The following OPHN1 variants were observed in gnomAD, a reference collection of about 807,000 sequenced individuals.
OPHN1 encodes oligophrenin-1.
In OPHN1, 11 loss-of-function variants were observed where a neutral mutation model predicts 60.7. The ratio of observed to expected loss-of-function variants is 0.18; its 90% CI spans 0.11 to 0.30. The LOEUF is 0.30. Ranked by LOEUF, OPHN1 falls within the 10% of genes least tolerant of loss-of-function variation. The pLI, the probability that OPHN1 is intolerant of heterozygous loss-of-function variation, is 1.00. For synonymous variants in OPHN1, 226 were observed against 222.6 expected, an observed-to-expected ratio of 1.02 and a Z score of -0.14; for missense variants, 449 against 611.0, an observed-to-expected ratio of 0.73 and a Z score of 2.80.
chrX:68,088,744 C>A (rs1196974429), intron 19 of OPHN1, among the ~76,000 whole-genome samples: 1 of 110,055 alleles, frequency 9.1e-6, no homozygotes, highest in Non-Finnish European at 1.9e-5. Flanking sequence ...TGACTCCTCC[C>A]AAAAACTCTA....
At chrX:68,201,528 CA>C (rs2077535071) in intron 11 of OPHN1, 90 bp downstream of exon 11, 2 of 710,679 alleles carry the variant, frequency 2.8e-6, no homozygotes, top group Admixed American at 4.5e-5. Context: ...TCATTGTCAT[CA>C]ACGTGGGATG....
At chrX:68,125,179 T>C (rs1602173131) in intron 15 of OPHN1, among the ~76,000 whole-genome samples, 2 of 111,429 alleles carry the variant, frequency 1.8e-5, no homozygotes, top group Non-Finnish European at 3.8e-5. Context: ...CTAAAACGTA[T>C]GGGATACAGT....
chrX:68,380,629 G>A (rs1345741758), intron 2 of OPHN1, among the ~76,000 whole-genome samples: 1 of 111,086 alleles, frequency 9.0e-6, no homozygotes, highest in Non-Finnish European at 1.9e-5. Flanking sequence ...GGTATGTTGT[G>A]TCTTTGTTCT....
intron 2 of OPHN1, among the ~76,000 whole-genome samples, chrX:68,360,447 A>G (rs1016497087): frequency 9.0e-6 from 1 of 110,579 alleles, no homozygotes; most frequent in South Asian, 3.9e-4. Context: ...TCCCACCTCA[A>G]CCTCACAAAG....
rs113103699 is a variant in OPHN1, at chrX:68,398,960, A to AGTGTGTGT, written c.154+33899_154+33906dup. 8.2e-3 allele frequency among the ~76,000 whole-genome samples: 785 copies of AGTGTGTGT among 95,217 alleles called. 3 individuals are homozygous for AGTGTGTGT. Among genetic ancestry groups the AGTGTGTGT allele is most frequent in the Middle Eastern group, 0.011 (2 of 182 alleles). The allele number at this position is 95,217 out of a possible 115,157, so 82.7% of individuals were successfully genotyped here. A position where few individuals can be genotyped will look rare whatever the true frequency, so the allele number is the denominator to read the frequency against. The stretch of plus-strand genomic sequence containing the variant: ...CAAGACTCTGTCTCAAAACAAAAAA[A>AGTGTGTGT]GTGTGTGTGTGTGTGTGTGTGTGTG... On this transcript the variant is annotated intron_variant, in intron 2 of 24. Transcript: ENST00000355520.
chrX:68,217,646 G>A (rs1055974439), intron 6 of OPHN1, among the ~76,000 whole-genome samples: 2 of 110,238 alleles, frequency 1.8e-5, no homozygotes, highest in African/African-American at 6.6e-5. Context: ...GCCTAACTGG[G>A]AGGCACCCCC....
intron 2 of OPHN1, among the ~76,000 whole-genome samples, chrX:68,337,036 G>T (rs1014566379): frequency 3.0e-4 from 33 of 110,427 alleles, no homozygotes; most frequent in African/African-American, 1.1e-3. Context: ...ACTCCAGCCT[G>T]GGTGACAGAG....
intron 5 of OPHN1, among the ~76,000 whole-genome samples, chrX:68,272,155 CAG>C (rs550048079): frequency 1.8e-5 from 2 of 111,539 alleles, no homozygotes; most frequent in South Asian, 7.6e-4. Context: ...TGATAACACA[CAG>C]GGGTAGCCTA....
intron 6 of OPHN1, among the ~76,000 whole-genome samples, chrX:68,217,790 A>G (rs925995949): frequency 2.7e-4 from 29 of 107,092 alleles, no homozygotes; most frequent in African/African-American, 8.9e-4. Flanking sequence ...CATCACCATC[A>G]TCAAACACCA....
intron 15 of OPHN1, among the ~76,000 whole-genome samples, chrX:68,126,162 G>T (rs1218984787): frequency 9.3e-6 from 1 of 108,078 alleles, no homozygotes; most frequent in Non-Finnish European, 1.9e-5. Flanking sequence ...AATTGTTACT[G>T]AAAAAGCATT....
chrX:68,304,820 G>A (rs1188128538), intron 2 of OPHN1, among the ~76,000 whole-genome samples: 1 of 111,250 alleles, frequency 9.0e-6, no homozygotes, highest in East Asian at 2.8e-4. Context: ...AAGGCAGAAT[G>A]TGGTTGAAGT....
chrX:68,173,454 A>C (rs1191743737), intron 15 of OPHN1, among the ~76,000 whole-genome samples: 1 of 111,451 alleles, frequency 9.0e-6, no homozygotes, highest in East Asian at 2.8e-4. Context: ...CAGGTCTGAT[A>C]ATAGCCACAA....
intron 21 of OPHN1, among the ~76,000 whole-genome samples, chrX:68,057,751 T>C (rs926914804): frequency 1.8e-5 from 2 of 111,842 alleles, no homozygotes. Flanking sequence ...CTCTAATGTG[T>C]CTCAGTCACA....
chrX:68,328,900 T>C (rs1433595693), intron 2 of OPHN1, among the ~76,000 whole-genome samples: 2 of 112,150 alleles, frequency 1.8e-5, no homozygotes, highest in African/African-American at 6.5e-5. Flanking sequence ...GGCAAAATGT[T>C]TAAGGTCTGG....
chrX:68,137,373 T>G (rs2077224995), intron 15 of OPHN1, among the ~76,000 whole-genome samples: 1 of 112,050 alleles, frequency 8.9e-6, no homozygotes, highest in Non-Finnish European at 1.9e-5. Flanking sequence ...TAATTATTTT[T>G]CTGAAAACCT....
chrX:68,393,183 T>C, intron 2 of OPHN1, among the ~76,000 whole-genome samples: 1 of 112,723 alleles, frequency 8.9e-6, no homozygotes, highest in Non-Finnish European at 1.9e-5. Context: ...CACACCTCTG[T>C]TGCATGTCCT....
At chrX:68,210,053 G>C in intron 9 of OPHN1, 100 bp downstream of exon 9, 1 of 868,410 alleles carries the variant, frequency 1.2e-6, no homozygotes, top group Non-Finnish European at 1.7e-6. Flanking sequence ...TAGCTATCAG[G>C]GGTCTATGAA....
intron 4 of OPHN1, among the ~76,000 whole-genome samples, chrX:68,279,798 T>C (rs930570228): frequency 7.2e-5 from 8 of 111,776 alleles, no homozygotes; most frequent in Non-Finnish European, 1.5e-4. Flanking sequence ...TGAAAAGTTG[T>C]TGGGACAAAA....
At chrX:68,087,853 G>A (rs1034347669) in intron 19 of OPHN1, among the ~76,000 whole-genome samples, 2 of 111,649 alleles carry the variant, frequency 1.8e-5, no homozygotes, top group Admixed American at 9.5e-5. Flanking sequence ...AGGTGGCAAA[G>A]GGTCAAAAGT....
Sources: allele counts gnomAD v4.1 joint callset (sites outside exome capture counted in the v4.1 genomes callset), GRCh38; gene constraint gnomAD v4.1.1; transcripts MANE v1.5; gene names NCBI Gene and HGNC (gene_info 2026-07-23, HGNC 2026-07-21).